The following IGSF21 variants were observed in gnomAD, a reference collection of about 807,000 sequenced individuals.
IGSF21 encodes immunoglobulin superfamily member 21.
Under a neutral mutation model 46.8 loss-of-function variants are expected in IGSF21, and 28 were observed. The observed-to-expected ratio is 0.60, with a 90% confidence interval of 0.44 to 0.82. The LOEUF (loss-of-function observed/expected upper bound fraction) is 0.82, where lower values mean the gene tolerates loss of function less well. Among genes scored for constraint, IGSF21 ranks in the 40% least tolerant of loss-of-function variants. The pLI is 0.00. For missense variants in IGSF21, 624 were observed against 665.5 expected, an observed-to-expected ratio of 0.94 and a Z score of 0.69; for synonymous variants, 284 against 273.6, an observed-to-expected ratio of 1.04 and a Z score of -0.38.
intron 2 of IGSF21, among the ~76,000 whole-genome samples, chr1:18,245,227 C>G (rs942504315): frequency 1.3e-5 from 2 of 152,152 alleles, no homozygotes; most frequent in African/African-American, 4.8e-5. Flanking sequence ...AAGGTTACTT[C>G]TATTCCAATT....
intron 2 of IGSF21, among the ~76,000 whole-genome samples, chr1:18,249,161 T>C (rs1022847403): frequency 1.3e-5 from 2 of 152,142 alleles, no homozygotes; most frequent in South Asian, 2.1e-4. Context: ...GCTTGAACCT[T>C]ACCTGGAGAA....
intron 2 of IGSF21, among the ~76,000 whole-genome samples, chr1:18,279,883 C>T (rs752890219): frequency 2.1e-4 from 32 of 152,356 alleles, no homozygotes; most frequent in Admixed American, 7.8e-4. Context: ...GGTCTGCCGG[C>T]GGCCGATCAT....
In IGSF21 at chr1:18,180,194, C is replaced by T. The variant is rs887031196; in HGVS notation, c.71-47704C>T. On this transcript the variant is annotated intron_variant, in intron 1 of 9. Transcript: ENST00000251296. ...GAAACATAGGGTATAATAGAATATA[C>T]GCTGCATGTGGCGAGGTGTAGATGT... Among the ~76,000 whole-genome samples, 7 of 152,326 alleles carry T rather than the reference C, an allele frequency of 4.6e-5. 1 individual carries two copies. The South Asian group carries it at 6.2e-4, about 14-fold the overall frequency.
intron 1 of IGSF21, among the ~76,000 whole-genome samples, chr1:18,205,781 A>T (rs1016136403): frequency 2.6e-5 from 4 of 152,234 alleles, no homozygotes; most frequent in African/African-American, 9.6e-5. Flanking sequence ...TGTGAATGAT[A>T]ACTGTCAGGG....
intron 1 of IGSF21, among the ~76,000 whole-genome samples, chr1:18,205,993 T>C (rs2084315525): frequency 6.6e-6 from 1 of 152,240 alleles, no homozygotes; most frequent in African/African-American, 2.4e-5. Context: ...TTTCTTCTGC[T>C]GGACACACTA....
At chr1:18,367,548 G>C (rs1273000053) in intron 6 of IGSF21, among the ~76,000 whole-genome samples, 1 of 150,692 alleles carries the variant, frequency 6.6e-6, no homozygotes, top group African/African-American at 2.4e-5. Context: ...ACTGGTTATG[G>C]GACTGGTTCC....
rs10522294 is a variant in IGSF21 at position 18,282,635 on chromosome 1, TACACAC to T, written c.184-9199_184-9194del. On this transcript the variant is annotated intron_variant, in intron 2 of 9. Coordinates refer to ENST00000251296, the MANE Select transcript of IGSF21 (RefSeq NM_032880.5). ...TTTGCCAAAAACTCATCCCCTTACA[TACACAC>T]ACACACACACACACACACACACACA... Among the ~76,000 whole-genome samples, 907 of 137,636 alleles carry T rather than the reference TACACAC, an allele frequency of 6.6e-3. 5 individuals carry two copies. The highest frequency in any genetic ancestry group is 0.02 in the African/African-American group (749 of 37,376). The allele number at this position is 137,636 out of a possible 152,430, so 90.3% of individuals were successfully genotyped here.
chr1:18,346,506 A>T (rs1210560016), intron 4 of IGSF21, among the ~76,000 whole-genome samples: 1 of 152,090 alleles, frequency 6.6e-6, no homozygotes, highest in Non-Finnish European at 1.5e-5. Context: ...CAATAAATGC[A>T]GTGGCCGGAC....
chr1:18,203,066 C>T (rs964927304), intron 1 of IGSF21, among the ~76,000 whole-genome samples: 1 of 152,156 alleles, frequency 6.6e-6, no homozygotes, highest in African/African-American at 2.4e-5. Flanking sequence ...TTTGCAAGCC[C>T]CTGAGCCTCT....
Position 18,344,530 on chromosome 1 carries a change from G to A in IGSF21, c.424+9520G>A, listed in dbSNP as rs545228299. ...AGCAAAACAGAAGTAACACCACTCT[G>A]CTTCTCTGGGGGACAGCAATGGGAA... On this transcript the variant is annotated intron_variant, in intron 4 of 9. Transcript: ENST00000251296. Among the ~76,000 whole-genome samples, 7 of 152,170 alleles carry A rather than the reference G, an allele frequency of 4.6e-5. No homozygotes were observed. In the South Asian group the frequency reaches 1.0e-3, roughly 23 times the overall value.
At chr1:18,304,336 A>C (rs2085390883) in intron 3 of IGSF21, among the ~76,000 whole-genome samples, 1 of 152,148 alleles carries the variant, frequency 6.6e-6, no homozygotes, top group African/African-American at 2.4e-5. Flanking sequence ...AGGGCGGGGG[A>C]GAAGTTGTGA....
At position 18,330,938 on chromosome 1, in the gene IGSF21, C is replaced by T. The variant is rs530312096; in HGVS notation, c.306-3954C>T. On this transcript the variant is annotated intron_variant, in intron 3 of 9. Transcript: ENST00000251296. ...CATCAATTAACCTACATGGATACATCGTTACCACCCGAAATCCGTAGTTCA... is the reference window on the plus strand; with the variant it reads ...CATCAATTAACCTACATGGATACATTGTTACCACCCGAAATCCGTAGTTCA... Among the ~76,000 whole-genome samples the T allele has an allele frequency of 1.2e-4, 19 of 152,264 alleles. No individual in the cohort carries two copies. In the South Asian group the frequency reaches 3.9e-3, roughly 32 times the overall value.
At chr1:18,291,374 C>G (rs2085265048) in intron 2 of IGSF21, among the ~76,000 whole-genome samples, 1 of 152,240 alleles carries the variant, frequency 6.6e-6, no homozygotes. Flanking sequence ...CTCCCGGGCT[C>G]CCTGCCTCTA....
At chr1:18,372,533 G>A (rs549293571) in intron 6 of IGSF21, among the ~76,000 whole-genome samples, 1 of 151,416 alleles carries the variant, frequency 6.6e-6, no homozygotes, top group African/African-American at 2.4e-5. Context: ...TGGATGGATG[G>A]ATGGATGGAT....
Position 18,234,081 on chromosome 1 carries a change from A to T in IGSF21, c.183+6071A>T, listed in dbSNP as rs540936983. 9.8e-5 allele frequency among the ~76,000 whole-genome samples: 15 copies of T among 152,296 alleles called. No homozygotes were observed. The South Asian group carries it at 2.3e-3, about 23-fold the overall frequency. On this transcript the variant is annotated intron_variant, in intron 2 of 9. Coordinates refer to ENST00000251296, the MANE Select transcript of IGSF21 (RefSeq NM_032880.5). ...GAGACCAGCACCAAGGTCCCAGAGGATGGGTCTAGACAACCCCTTTGGCCC... is the reference window on the plus strand; with the variant it reads ...GAGACCAGCACCAAGGTCCCAGAGGTTGGGTCTAGACAACCCCTTTGGCCC...
chr1:18,363,859 A>G (rs12075366), intron 5 of IGSF21, among the ~76,000 whole-genome samples: 3,170 of 151,812 alleles, frequency 0.021, 110 homozygotes, highest in African/African-American at 0.071. Context: ...GGTGGTGGGC[A>G]GGGGAACAGA....
chr1:18,144,056 T>A (rs1205744370), intron 1 of IGSF21, among the ~76,000 whole-genome samples: 1 of 152,212 alleles, frequency 6.6e-6, no homozygotes, highest in East Asian at 1.9e-4. Flanking sequence ...CTGAGGTCTG[T>A]GTCCCTAGAC....
intron 1 of IGSF21, among the ~76,000 whole-genome samples, chr1:18,155,560 A>T (rs2086561005): frequency 6.6e-6 from 1 of 152,238 alleles, no homozygotes; most frequent in Admixed American, 6.5e-5. Flanking sequence ...TGAGCTCACG[A>T]AGGGGAAGAA....
At chr1:18,275,703 A>G (rs1406218025) in intron 2 of IGSF21, among the ~76,000 whole-genome samples, 1 of 152,164 alleles carries the variant, frequency 6.6e-6, no homozygotes, top group Non-Finnish European at 1.5e-5. Context: ...TTCCTGGACT[A>G]AAGTCTGTGT....
Sources: gnomAD v4.1 joint callset for allele counts (sites outside exome capture counted in the v4.1 genomes callset) on GRCh38, gnomAD v4.1.1 for gene constraint, MANE v1.5 for transcripts, NCBI Gene and HGNC (gene_info 2026-07-23, HGNC 2026-07-21) for gene names.